The following DNAH12 variants were observed in gnomAD, a reference collection of about 807,000 sequenced individuals.
DNAH12 encodes dynein axonemal heavy chain 12, also known as axonemal beta dynein heavy chain 12.
DNAH12 carries 285 observed loss-of-function variants against 371.5 expected under a neutral mutation model. The ratio of observed to expected loss-of-function variants is 0.77; its 90% CI spans 0.70 to 0.85. The LOEUF (loss-of-function observed/expected upper bound fraction) is 0.85. DNAH12 is among the 40% of genes least tolerant of loss of function. The pLI, the probability that DNAH12 is intolerant of heterozygous loss-of-function variation, is 0.00. For synonymous variants in DNAH12, 1,200 were observed against 1,213.0 expected (o/e 0.99, Z 0.22); for missense variants, 3,611 against 3,689.4 (o/e 0.98, Z 0.55).
intron 2 of DNAH12, among the ~76,000 whole-genome samples, chr3:57,535,004 A>T (rs2068980887): frequency 6.6e-6 from 1 of 152,194 alleles, no homozygotes; most frequent in African/African-American, 2.4e-5. Flanking sequence ...AGATCTTTAT[A>T]TGCATTTAAT....
chr3:57,446,801 T>C (rs2065515412), intron 25 of DNAH12, 112 bp from the exon 26 acceptor site: 2 of 1,080,966 alleles, frequency 1.9e-6, no homozygotes, highest in Non-Finnish European at 2.4e-6. Flanking sequence ...GAAGCCATTA[T>C]ATAATTACAT....
Position 57,502,382 on chromosome 3 carries a change from G to C in DNAH12, c.1184C>G (p.Thr395Arg). 1 of 1,614,154 alleles carries C rather than the reference G, an allele frequency of 6.2e-7. No homozygotes were observed. The highest frequency in any genetic ancestry group is 8.5e-7 in the Non-Finnish European group (1 of 1,180,022). ...GTTCCGATGTACTGCTGCCTTCAGT[G>C]TATCAACAGCCCAGTGTAACACGTG... ...PEHVLHWAVD[T>R]LKAAVHRNLE... The change falls in exon 10 of 74, where the codon ACA (threonine) becomes AGA (arginine). Residue 395 changes from threonine (T) to arginine (R), a missense_variant. Transcript: ENST00000495027.
chr3:57,501,504 CAATT>C, intron 10 of DNAH12, 92 bp from the exon 11 acceptor site: 1 of 805,280 alleles, frequency 1.2e-6, no homozygotes, highest in Non-Finnish European at 1.9e-6. Context: ...GGGACCTACT[CAATT>C]AAATATTATT....
rs1176104445 is a variant in DNAH12 at position 57,415,583 on chromosome 3, T to G, written c.5715-19A>C. ...GAGTGGCCTTAATGAAAACAATGAA[T>G]ATATTATTCAAAATGGAAAAAAAGT... On this transcript the variant is annotated intron_variant, in intron 37 of 73. Transcript: ENST00000495027. The G allele has an allele frequency of 6.6e-7, 1 of 1,513,714 alleles. No homozygotes were observed. The highest frequency in any genetic ancestry group is 8.8e-7 in the Non-Finnish European group (1 of 1,135,952). The allele number at this position is 1,513,714 out of a possible 1,614,324, so 93.8% of individuals were successfully genotyped here.
At chr3:57,370,255 A>G (rs919540731) in intron 55 of DNAH12, among the ~76,000 whole-genome samples, 1 of 152,222 alleles carries the variant, frequency 6.6e-6, no homozygotes, top group African/African-American at 2.4e-5. Context: ...TGTTTTCATC[A>G]TGGTTGAAAC....
intron 41 of DNAH12, 73 bp downstream of exon 41, chr3:57,405,580 A>T (rs961760638): frequency 1.4e-6 from 2 of 1,415,324 alleles, no homozygotes; most frequent in Non-Finnish European, 1.9e-6. Flanking sequence ...TGATTTTTAA[A>T]AATATAACTT....
intron 32 of DNAH12, among the ~76,000 whole-genome samples, chr3:57,432,127 T>C (rs2064973019): frequency 6.8e-6 from 1 of 147,046 alleles, no homozygotes; most frequent in African/African-American, 2.5e-5. Flanking sequence ...AAAGAAGGAA[T>C]GTGAATGACT....
At chr3:57,519,678 G>T (rs1262438533) in intron 4 of DNAH12, 5 of 1,599,966 alleles carry the variant, frequency 3.1e-6, no homozygotes, top group Non-Finnish European at 4.3e-6. Flanking sequence ...CTCATTTGCC[G>T]ATTCTTTGGG....
At chr3:57,444,994 TA>T (rs1227933875) in intron 28 of DNAH12, among the ~76,000 whole-genome samples, 178 bp from the exon 29 acceptor site, 11 of 146,382 alleles carry the variant, frequency 7.5e-5, no homozygotes, top group Non-Finnish European at 1.6e-4. Context: ...CTTATCAAAC[TA>T]AAAAGTCTTT....
At position 57,449,266 on chromosome 3, in the gene DNAH12, A is replaced by C. The variant is rs138278423; in HGVS notation, c.3787-2577T>G. 2.0e-5 allele frequency among the ~76,000 whole-genome samples: 3 copies of C among 151,948 alleles called. No individual in the cohort carries two copies. The East Asian group carries it at 5.8e-4, about 29-fold the overall frequency. ...CTCTCCATGTCCCCACCAGACTCAG[A>C]AGCCCGGCTGGCTTCACCTAGTGGA... On this transcript the variant is annotated intron_variant, in intron 25 of 73. Coordinates refer to ENST00000495027, the MANE Select transcript of DNAH12 (RefSeq NM_001366028.2).
intron 43 of DNAH12, among the ~76,000 whole-genome samples, chr3:57,396,290 C>CAAACA (rs2063736576): frequency 1.5e-5 from 1 of 68,718 alleles, no homozygotes; most frequent in Admixed American, 1.6e-4. Flanking sequence ...AAAAAAAAAA[C>CAAACA]AAAAAAAAAA....
At chr3:57,295,426 C>T (rs2061213234) in intron 73 of DNAH12, 99 bp downstream of exon 73, 2 of 876,802 alleles carry the variant, frequency 2.3e-6, no homozygotes, top group East Asian at 2.8e-5. Context: ...GAGCTAGATC[C>T]TAAAAGGTTT....
chr3:57,489,470 A>G, intron 12 of DNAH12, 39 bp downstream of exon 12: 1 of 1,456,108 alleles, frequency 6.9e-7, no homozygotes, highest in Non-Finnish European at 9.0e-7. Context: ...TACTTCTTTT[A>G]GCCATATAAT....
intron 12 of DNAH12, among the ~76,000 whole-genome samples, chr3:57,484,168 A>G (rs768692515): frequency 2.0e-5 from 3 of 151,670 alleles, no homozygotes; most frequent in Non-Finnish European, 2.9e-5. Context: ...CACATAGTAC[A>G]CTCTATTTAC....
rs1415980258 is a variant in DNAH12 at position 57,433,645 on chromosome 3, C to G, written c.4839G>C (p.Glu1613Asp). The G allele has an allele frequency of 6.5e-7, 1 of 1,546,090 alleles. No individual in the cohort carries two copies. The highest frequency in any genetic ancestry group is 2.0e-5 in the Admixed American group (1 of 50,134). ...LFGQFDPVSH[E>D]WTDGIVANTF... is the part of the protein sequence containing the mutation. ...TTGGGAATACTTATATTTAGGTTAC[C>G]TCATGAGACACTGGGTCAAACTGTC... The change falls in exon 31 of 74, where the codon GAG becomes GAC. Residue 1613 changes from glutamate to aspartate, a missense_variant and splice_region_variant. Physicochemically the swap from Glu to Asp is conservative, Grantham distance 45. Transcript: ENST00000495027.
intron 69 of DNAH12, among the ~76,000 whole-genome samples, chr3:57,306,747 C>T (rs1257197855): frequency 2.6e-5 from 4 of 152,158 alleles, no homozygotes; most frequent in Non-Finnish European, 5.9e-5. Context: ...CTTTTAAAGC[C>T]TATAAACTCC....
intron 29 of DNAH12, among the ~76,000 whole-genome samples, chr3:57,438,402 A>C (rs1460026632): frequency 6.6e-6 from 1 of 152,190 alleles, no homozygotes; most frequent in East Asian, 1.9e-4. Flanking sequence ...TTTAACATAC[A>C]ATCAAAACTT....
In DNAH12 at chr3:57,309,337, A is replaced by G. The variant is rs2061539201; in HGVS notation, c.11086-83T>C. ...TTCAGCCATTATATAATAATAGCTA[A>G]TACTAGGGTGTATATGTACATTAGC... On this transcript the variant is annotated intron_variant, in intron 68 of 73. Coordinates refer to ENST00000495027, the MANE Select transcript of DNAH12 (RefSeq NM_001366028.2). 9 of 1,097,230 alleles carry G rather than the reference A, an allele frequency of 8.2e-6. No individual in the cohort carries two copies. The East Asian group carries it at 2.3e-4, about 28-fold the overall frequency. 68.0% of individuals were successfully genotyped at this position (1,097,230 alleles called of 1,614,324 possible). A position where few individuals can be genotyped will look rare whatever the true frequency, so the allele number is the denominator to read the frequency against.
chr3:57,480,830 C>G (rs1324980652), intron 13 of DNAH12, among the ~76,000 whole-genome samples: 4 of 152,194 alleles, frequency 2.6e-5, no homozygotes, highest in Admixed American at 6.5e-5. Flanking sequence ...ATATGATTAT[C>G]TCAATAGATG....
Sources: allele counts gnomAD v4.1 joint callset (sites outside exome capture counted in the v4.1 genomes callset), GRCh38; gene constraint gnomAD v4.1.1; transcripts MANE v1.5; gene names NCBI Gene and HGNC (gene_info 2026-07-23, HGNC 2026-07-21).